ESRRG: variants seen among roughly 807,000 people sequenced by gnomAD.
ESRRG encodes estrogen-related receptor gamma.
In ESRRG, 13 loss-of-function variants were observed where a neutral mutation model predicts 44.0. The ratio of observed to expected loss-of-function variants is 0.30; its 90% CI spans 0.19 to 0.47. ESRRG has a LOEUF of 0.47. ESRRG is among the 20% of genes least tolerant of loss of function. The pLI, the probability that ESRRG is intolerant of heterozygous loss-of-function variation, is 1.00. For synonymous variants in ESRRG, 215 were observed against 214.6 expected, an observed-to-expected ratio of 1.00 and a Z score of -0.02; for missense variants, 395 against 580.6, an observed-to-expected ratio of 0.68 and a Z score of 3.29.
At chr1:216,940,547 C>A (rs562518590) in intron 1 of ESRRG, among the ~76,000 whole-genome samples, 1 of 152,046 alleles carries the variant, frequency 6.6e-6, no homozygotes. Flanking sequence ...TGGTGCATGC[C>A]CTGGTGCAAT....
chr1:216,815,466 G>A (rs1046298940), intron 2 of ESRRG, among the ~76,000 whole-genome samples: 1 of 152,190 alleles, frequency 6.6e-6, no homozygotes, highest in African/African-American at 2.4e-5. Flanking sequence ...GAAGGGCTTT[G>A]TGGAGTGGGA....
At chr1:216,619,528 G>C (rs1222160412) in intron 3 of ESRRG, among the ~76,000 whole-genome samples, 1 of 152,134 alleles carries the variant, frequency 6.6e-6, no homozygotes, top group Non-Finnish European at 1.5e-5. Flanking sequence ...AGCCGTAAGA[G>C]CTTTCCAGGA....
At chr1:216,830,927 C>A (rs2148737500) in intron 2 of ESRRG, among the ~76,000 whole-genome samples, 1 of 152,124 alleles carries the variant, frequency 6.6e-6, no homozygotes, top group Non-Finnish European at 1.5e-5. Context: ...TCATAATACC[C>A]CCAAGCCTGG....
chr1:216,920,044 GC>G (rs1426192961), intron 2 of ESRRG, among the ~76,000 whole-genome samples: 1 of 152,188 alleles, frequency 6.6e-6, no homozygotes, highest in Non-Finnish European at 1.5e-5. Flanking sequence ...GGAAGAACTT[GC>G]CTGCAGCAAG....
intron 1 of ESRRG, among the ~76,000 whole-genome samples, chr1:217,104,411 A>C (rs1207851838): frequency 3.9e-5 from 6 of 152,240 alleles, no homozygotes; most frequent in Non-Finnish European, 8.8e-5. Flanking sequence ...TGAAGCCTGG[A>C]TTCAGAAAGC....
At chr1:216,885,379 T>C (rs1300336710) in intron 2 of ESRRG, among the ~76,000 whole-genome samples, 2 of 152,064 alleles carry the variant, frequency 1.3e-5, no homozygotes, top group Non-Finnish European at 2.9e-5. Context: ...GTTTCACAGA[T>C]TGGCTTCTAA....
intron 1 of ESRRG, among the ~76,000 whole-genome samples, chr1:217,109,515 G>A (rs900517243): frequency 6.6e-6 from 1 of 152,134 alleles, no homozygotes; most frequent in Non-Finnish European, 1.5e-5. Flanking sequence ...CAGTAGTTCC[G>A]CAGATACCAT....
intron 1 of ESRRG, chr1:217,000,769 A>T (rs1035365333): frequency 5.9e-5 from 9 of 152,380 alleles, no homozygotes; most frequent in Middle Eastern, 3.4e-3. Flanking sequence ...TCATGTTAGA[A>T]AGGGCAGGCA....
At chr1:216,975,600 C>T (rs2072709851) in intron 1 of ESRRG, among the ~76,000 whole-genome samples, 1 of 152,186 alleles carries the variant, frequency 6.6e-6, no homozygotes, top group Admixed American at 6.5e-5. Context: ...ACAGTGCTCA[C>T]TAAAAAGACA....
intron 1 of ESRRG, among the ~76,000 whole-genome samples, chr1:216,969,426 A>T (rs1010577885): frequency 6.6e-6 from 1 of 152,158 alleles, no homozygotes; most frequent in Non-Finnish European, 1.5e-5. Context: ...AACATAGAAA[A>T]AAACATAAAA....
intron 1 of ESRRG, among the ~76,000 whole-genome samples, chr1:216,951,908 A>G (rs1560234594): frequency 6.6e-6 from 1 of 151,730 alleles, no homozygotes; most frequent in Non-Finnish European, 1.5e-5. Flanking sequence ...TATATATAAT[A>G]TATACATAAA....
intron 3 of ESRRG, among the ~76,000 whole-genome samples, chr1:216,592,903 A>C (rs1245416792): frequency 6.6e-6 from 1 of 152,172 alleles, no homozygotes; most frequent in Non-Finnish European, 1.5e-5. Context: ...ACCTCATCTG[A>C]TTCGCATATT....
At chr1:216,887,695 C>T (rs578261784) in intron 2 of ESRRG, among the ~76,000 whole-genome samples, 1 of 152,354 alleles carries the variant, frequency 6.6e-6, no homozygotes, top group South Asian at 2.1e-4. Context: ...CTCCTACCCA[C>T]TTCCTCTGAA....
intron 2 of ESRRG, among the ~76,000 whole-genome samples, chr1:216,851,225 T>C (rs1474195424): frequency 6.6e-6 from 1 of 152,014 alleles, no homozygotes; most frequent in Non-Finnish European, 1.5e-5. Context: ...TAACTACACT[T>C]CTCAGAGTGC....
intron 1 of ESRRG, among the ~76,000 whole-genome samples, chr1:217,070,033 A>C (rs987977544): frequency 5.3e-5 from 8 of 152,144 alleles, no homozygotes; most frequent in Non-Finnish European, 1.0e-4. Context: ...CATGTCCCCA[A>C]GTTCCTATAA....
At chr1:216,916,066 T>C (rs965280239) in intron 2 of ESRRG, among the ~76,000 whole-genome samples, 7 of 152,156 alleles carry the variant, frequency 4.6e-5, no homozygotes, top group Admixed American at 3.3e-4. Flanking sequence ...CCACCCACTC[T>C]CCTCTCCCTT....
chr1:216,948,520 T>C (rs1004974627), intron 1 of ESRRG, among the ~76,000 whole-genome samples: 1 of 149,808 alleles, frequency 6.7e-6, no homozygotes, highest in African/African-American at 2.5e-5. Flanking sequence ...GGGGACCTAA[T>C]ATTAGCTAAT....
intron 3 of ESRRG, among the ~76,000 whole-genome samples, chr1:216,632,957 G>T (rs2064533630): frequency 6.6e-6 from 1 of 152,024 alleles, no homozygotes; most frequent in Admixed American, 6.5e-5. Flanking sequence ...TAAACTATTG[G>T]TTCATTTGGG....
intron 2 of ESRRG, among the ~76,000 whole-genome samples, chr1:216,813,645 G>A (rs548163378): frequency 1.8e-4 from 28 of 152,322 alleles, no homozygotes; most frequent in African/African-American, 6.7e-4. Context: ...TCTGTGGCTT[G>A]TCTGTAAAGT....
Sources: gnomAD v4.1 joint callset for allele counts (sites outside exome capture counted in the v4.1 genomes callset) on GRCh38, gnomAD v4.1.1 for gene constraint, MANE v1.5 for transcripts, NCBI Gene and HGNC (gene_info 2026-07-23, HGNC 2026-07-21) for gene names.